GRIK2: variants seen among roughly 807,000 people sequenced by gnomAD.
The protein encoded by GRIK2 is glutamate ionotropic receptor kainate type subunit 2.
A neutral mutation model predicts 100.3 loss-of-function variants in GRIK2; 32 were observed. The ratio of observed to expected loss-of-function variants is 0.32; its 90% CI spans 0.24 to 0.43. The LOEUF (loss-of-function observed/expected upper bound fraction) is 0.43, where lower values mean the gene tolerates loss of function less well. Ranked by LOEUF, GRIK2 falls within the 20% of genes least tolerant of loss-of-function variation. The pLI, the probability that GRIK2 is intolerant of heterozygous loss-of-function variation, is 1.00. For synonymous variants in GRIK2, 417 were observed against 389.4 expected (o/e 1.07, Z -0.83); for missense variants, 843 against 1,114.9 (o/e 0.76, Z 3.47).
chr6:101,711,112 T>C (rs1773665346), intron 7 of GRIK2, among the ~76,000 whole-genome samples: 1 of 151,844 alleles, frequency 6.6e-6, no homozygotes, highest in African/African-American at 2.4e-5. Context: ...CTGTGTTGGC[T>C]TTTGTTATTG....
chr6:101,898,494 T>TAC (rs1787625015), intron 12 of GRIK2, among the ~76,000 whole-genome samples: 1 of 151,876 alleles, frequency 6.6e-6, no homozygotes, highest in South Asian at 2.1e-4. Context: ...AAATCCTTAG[T>TAC]TAGCTGTACT....
intron 2 of GRIK2, among the ~76,000 whole-genome samples, chr6:101,480,848 A>T (rs1365531409): frequency 6.6e-6 from 1 of 152,204 alleles, no homozygotes; most frequent in Non-Finnish European, 1.5e-5. Flanking sequence ...TTTTATAATG[A>T]CAAATATTGG....
intron 15 of GRIK2, among the ~76,000 whole-genome samples, chr6:102,051,024 A>G (rs1771151551): frequency 6.6e-6 from 1 of 152,198 alleles, no homozygotes; most frequent in African/African-American, 2.4e-5. Context: ...AAAGTTTAAC[A>G]TAAAAGGGAC....
chr6:101,897,866 C>G (rs1787573482), intron 12 of GRIK2, among the ~76,000 whole-genome samples: 1 of 151,710 alleles, frequency 6.6e-6, no homozygotes, highest in Non-Finnish European at 1.5e-5. Context: ...AAACATGACA[C>G]TTAAATTAGT....
chr6:101,834,355 A>G (rs1475974625), intron 10 of GRIK2, among the ~76,000 whole-genome samples: 1 of 151,074 alleles, frequency 6.6e-6, no homozygotes, highest in Non-Finnish European at 1.5e-5. Flanking sequence ...TTTTTTCAGC[A>G]TTTTCTTATT....
At chr6:101,845,313 CA>C (rs1783744848) in intron 10 of GRIK2, among the ~76,000 whole-genome samples, 1 of 152,042 alleles carries the variant, frequency 6.6e-6, no homozygotes, top group African/African-American at 2.4e-5. Flanking sequence ...CCCAGCCTTG[CA>C]TTTGTTTTTA....
At chr6:101,560,145 A>T (rs1043264744) in intron 2 of GRIK2, among the ~76,000 whole-genome samples, 6 of 152,282 alleles carry the variant, frequency 3.9e-5, no homozygotes, top group South Asian at 2.1e-4. Context: ...AGTATTGCCA[A>T]CAATAAACAA....
chr6:102,052,772 CTTATAA>C (rs1771264245), intron 15 of GRIK2, among the ~76,000 whole-genome samples: 2 of 152,094 alleles, frequency 1.3e-5, no homozygotes, highest in African/African-American at 4.8e-5. Context: ...ACAAATCTTG[CTTATAA>C]TTATATTTAT....
At chr6:101,578,504 A>C (rs1285519872) in intron 2 of GRIK2, among the ~76,000 whole-genome samples, 1 of 152,162 alleles carries the variant, frequency 6.6e-6, no homozygotes, top group Non-Finnish European at 1.5e-5. Context: ...AGCTAATCAG[A>C]GTCTAGCATA....
intron 2 of GRIK2, among the ~76,000 whole-genome samples, chr6:101,497,475 T>C (rs931460268): frequency 4.3e-5 from 4 of 92,156 alleles, no homozygotes; most frequent in Non-Finnish European, 7.4e-5. Context: ...CTATTCACTC[T>C]TATTGAGTTT....
intron 10 of GRIK2, among the ~76,000 whole-genome samples, chr6:101,829,163 A>G (rs1039927928): frequency 8.5e-5 from 13 of 152,086 alleles, no homozygotes; most frequent in African/African-American, 2.9e-4. Flanking sequence ...AAAAAAACAT[A>G]TGGTCATCTG....
chr6:101,677,637 A>T (rs912534890), intron 5 of GRIK2, among the ~76,000 whole-genome samples: 1 of 152,098 alleles, frequency 6.6e-6, no homozygotes, highest in East Asian at 1.9e-4. Flanking sequence ...CCTGGATTTG[A>T]ACACAAATTT....
chr6:101,802,773 T>A (rs1052962898), intron 9 of GRIK2, among the ~76,000 whole-genome samples: 2 of 151,920 alleles, frequency 1.3e-5, no homozygotes, highest in Non-Finnish European at 2.9e-5. Flanking sequence ...CAGCTTATAA[T>A]CACTTATGGT....
intron 7 of GRIK2, among the ~76,000 whole-genome samples, chr6:101,725,770 G>C (rs1338139251): frequency 6.6e-6 from 1 of 151,874 alleles, no homozygotes; most frequent in African/African-American, 2.4e-5. Flanking sequence ...GTATCATTTT[G>C]TACTGGTCAC....
chr6:101,917,609 A>G (rs761512035), intron 12 of GRIK2, among the ~76,000 whole-genome samples: 1 of 150,870 alleles, frequency 6.6e-6, no homozygotes, highest in African/African-American at 2.4e-5. Flanking sequence ...AGTTTGGATG[A>G]TGTAACTTCT....
At chr6:101,544,696 C>A (rs780336524) in intron 2 of GRIK2, among the ~76,000 whole-genome samples, 4 of 152,134 alleles carry the variant, frequency 2.6e-5, no homozygotes, top group Non-Finnish European at 5.9e-5. Flanking sequence ...TATGCTCTTA[C>A]GCATTTTAAA....
At chr6:102,016,399 G>T (rs1795833665) in intron 14 of GRIK2, among the ~76,000 whole-genome samples, 1 of 152,028 alleles carries the variant, frequency 6.6e-6, no homozygotes, top group African/African-American at 2.4e-5. Flanking sequence ...GAATCTCAGA[G>T]CTTGAAGACT....
intron 15 of GRIK2, among the ~76,000 whole-genome samples, chr6:102,038,140 A>C (rs1414722130): frequency 6.6e-6 from 1 of 151,482 alleles, no homozygotes; most frequent in African/African-American, 2.4e-5. Context: ...AATTTGGCAA[A>C]TAATGTGCTT....
intron 14 of GRIK2, among the ~76,000 whole-genome samples, chr6:102,028,481 A>C (rs1772213852): frequency 6.6e-6 from 1 of 151,270 alleles, no homozygotes; most frequent in African/African-American, 2.4e-5. Context: ...TAGAAAAATA[A>C]GTTTCTTTAA....
Sources: gnomAD v4.1 joint callset for allele counts (sites outside exome capture counted in the v4.1 genomes callset) on GRCh38, gnomAD v4.1.1 for gene constraint, MANE v1.5 for transcripts, NCBI Gene and HGNC (gene_info 2026-07-23, HGNC 2026-07-21) for gene names.